Variants in ADAMTS3 observed in about 807,000 individuals in gnomAD.
ADAMTS3 encodes the protein ADAM metallopeptidase with thrombospondin type 1 motif 3.
In ADAMTS3, 73 loss-of-function variants were observed where a neutral mutation model predicts 129.0. That is an observed-to-expected ratio of 0.57 (90% confidence interval 0.47 to 0.69). The LOEUF is 0.69. ADAMTS3 is among the 30% of genes least tolerant of loss of function. The pLI is 0.00. For synonymous variants in ADAMTS3, 477 were observed against 510.8 expected, an observed-to-expected ratio of 0.93 and a Z score of 0.89; for missense variants, 1,457 against 1,514.5, an observed-to-expected ratio of 0.96 and a Z score of 0.63.
chr4:72,551,458 T>A (rs1287480635), intron 2 of ADAMTS3, among the ~76,000 whole-genome samples: 1 of 152,176 alleles, frequency 6.6e-6, no homozygotes, highest in Non-Finnish European at 1.5e-5. Flanking sequence ...AAATAATAAA[T>A]CATTCCTAAA....
chr4:72,492,431 T>C (rs963922678), intron 3 of ADAMTS3, among the ~76,000 whole-genome samples: 1 of 151,766 alleles, frequency 6.6e-6, no homozygotes, highest in Non-Finnish European at 1.5e-5. Flanking sequence ...TGATATGTTG[T>C]TTTAATTTTC....
intron 3 of ADAMTS3, among the ~76,000 whole-genome samples, chr4:72,500,266 C>A (rs979408132): frequency 6.6e-6 from 1 of 152,152 alleles, no homozygotes; most frequent in Non-Finnish European, 1.5e-5. Context: ...GTTTTCTCTG[C>A]AGCCTTGACA....
At chr4:72,469,539 T>A (rs1719008935) in intron 3 of ADAMTS3, among the ~76,000 whole-genome samples, 6 of 152,136 alleles carry the variant, frequency 3.9e-5, no homozygotes, top group Admixed American at 3.9e-4. Flanking sequence ...TCCTTTCCCC[T>A]TATTGCTATC....
At chr4:72,299,741 A>G (rs939007057) in intron 17 of ADAMTS3, among the ~76,000 whole-genome samples, 4 of 152,184 alleles carry the variant, frequency 2.6e-5, no homozygotes, top group African/African-American at 9.6e-5. Context: ...TAATTTTCCT[A>G]AGTTTATTAC....
intron 3 of ADAMTS3, among the ~76,000 whole-genome samples, chr4:72,496,950 A>G (rs1719887784): frequency 6.6e-6 from 1 of 152,064 alleles, no homozygotes; most frequent in South Asian, 2.1e-4. Flanking sequence ...ATTTAAAGGA[A>G]CTTCTTCTCT....
At chr4:72,335,883 C>T (rs1244695468) in intron 5 of ADAMTS3, among the ~76,000 whole-genome samples, 1 of 152,112 alleles carries the variant, frequency 6.6e-6, no homozygotes, top group African/African-American at 2.4e-5. Context: ...TCTACCTCTA[C>T]ATTATTTATA....
chr4:72,471,707 T>G lies in ADAMTS3; in HGVS notation c.505-56736A>C, dbSNP rs1408334719. 3.3e-5 allele frequency among the ~76,000 whole-genome samples: 5 copies of G among 152,062 alleles called. No individual in the cohort carries two copies. The East Asian group carries it at 9.6e-4, about 29-fold the overall frequency. ...GCCATCTTCCTCTTGAATTTTTTTG[T>G]TTTTGAAAATATAGCTACTTTTAGA... On this transcript the variant is annotated intron_variant, in intron 3 of 21. Transcript: ENST00000286657.
intron 4 of ADAMTS3, among the ~76,000 whole-genome samples, chr4:72,387,642 G>A (rs1721481695): frequency 6.6e-6 from 1 of 152,108 alleles, no homozygotes; most frequent in Non-Finnish European, 1.5e-5. Flanking sequence ...TGGGGCACAA[G>A]GCTAATTAGC....
intron 4 of ADAMTS3, among the ~76,000 whole-genome samples, chr4:72,406,545 G>A (rs1482954886): frequency 1.3e-5 from 2 of 151,954 alleles, no homozygotes; most frequent in Non-Finnish European, 2.9e-5. Flanking sequence ...ATTCCTATTT[G>A]AAATATAAAA....
At chr4:72,495,214 C>T (rs1395684321) in intron 3 of ADAMTS3, among the ~76,000 whole-genome samples, 2 of 152,124 alleles carry the variant, frequency 1.3e-5, no homozygotes, top group Admixed American at 1.3e-4. Flanking sequence ...AATGGGCACA[C>T]TCACTGCAGT....
intron 3 of ADAMTS3, among the ~76,000 whole-genome samples, chr4:72,527,631 T>C (rs1212497211): frequency 6.6e-6 from 1 of 152,156 alleles, no homozygotes; most frequent in Non-Finnish European, 1.5e-5. Flanking sequence ...TCCTGGAAGT[T>C]TCCCAGAGGA....
intron 4 of ADAMTS3, among the ~76,000 whole-genome samples, chr4:72,410,845 C>A (rs972250399): frequency 6.6e-6 from 1 of 151,930 alleles, no homozygotes; most frequent in Non-Finnish European, 1.5e-5. Flanking sequence ...GAAAAAGAAG[C>A]AAATTAAACA....
At chr4:72,530,713 T>C (rs1721007314) in intron 3 of ADAMTS3, among the ~76,000 whole-genome samples, 1 of 93,932 alleles carries the variant, frequency 1.1e-5, no homozygotes, top group Non-Finnish European at 1.9e-5. Context: ...TTATATATTA[T>C]ATATAATATT....
At chr4:72,312,557 G>T in intron 12 of ADAMTS3, 91 bp from the exon 13 acceptor site, 1 of 1,276,088 alleles carries the variant, frequency 7.8e-7, no homozygotes, top group Non-Finnish European at 1.1e-6. Flanking sequence ...CAAAGCCAAA[G>T]TTTCTGGGCT....
At chr4:72,468,469 C>A (rs1204268760) in intron 3 of ADAMTS3, among the ~76,000 whole-genome samples, 1 of 151,928 alleles carries the variant, frequency 6.6e-6, no homozygotes, top group Non-Finnish European at 1.5e-5. Context: ...ATGTATTTCA[C>A]AATTTTACTA....
intron 6 of ADAMTS3, 34 bp from the exon 7 acceptor site, chr4:72,320,904 A>G: frequency 6.3e-7 from 1 of 1,588,180 alleles, no homozygotes; most frequent in Non-Finnish European, 8.6e-7. Flanking sequence ...GACACACCTG[A>G]CAATTTCCCA....
intron 4 of ADAMTS3, among the ~76,000 whole-genome samples, chr4:72,345,120 A>G (rs1047182672): frequency 2.6e-5 from 4 of 152,200 alleles, no homozygotes; most frequent in Non-Finnish European, 5.9e-5. Context: ...CATTCTCTGT[A>G]GTGCATCATT....
At chr4:72,526,373 T>C (rs1229884632) in intron 3 of ADAMTS3, among the ~76,000 whole-genome samples, 1 of 152,140 alleles carries the variant, frequency 6.6e-6, no homozygotes, top group Non-Finnish European at 1.5e-5. Flanking sequence ...CCAAATTTGA[T>C]AGAAAACAGC....
intron 3 of ADAMTS3, 44 bp downstream of exon 3, chr4:72,548,434 T>TGG (rs1276222538): frequency 6.3e-7 from 1 of 1,584,230 alleles, no homozygotes; most frequent in African/African-American, 1.3e-5. Context: ...ATGGCTGCAC[T>TGG]CCCAGCACCT....
Sources: gnomAD v4.1 joint callset for allele counts (sites outside exome capture counted in the v4.1 genomes callset) on GRCh38, gnomAD v4.1.1 for gene constraint, MANE v1.5 for transcripts, NCBI Gene and HGNC (gene_info 2026-07-23, HGNC 2026-07-21) for gene names.